CDK19: variants seen among roughly 807,000 people sequenced by gnomAD.
CDK19 encodes the protein cyclin dependent kinase 19, also known as cyclin-dependent kinase 19.
Under a neutral mutation model 68.3 loss-of-function variants are expected in CDK19, and 20 were observed. The observed-to-expected ratio is 0.29, with a 90% CI of 0.21 to 0.43. The LOEUF (loss-of-function observed/expected upper bound fraction) is 0.43. CDK19 is among the 20% of genes least tolerant of loss of function. The pLI is 1.00. For synonymous variants in CDK19, 221 were observed against 222.8 expected (o/e 0.99, Z 0.07); for missense variants, 339 against 623.5 (o/e 0.54, Z 4.86).
chr6:110,648,681 C>T (rs1780774351), intron 4 of CDK19, among the ~76,000 whole-genome samples: 1 of 151,754 alleles, frequency 6.6e-6, no homozygotes, highest in Non-Finnish European at 1.5e-5. Flanking sequence ...GCTGGGATTA[C>T]AGGCATGTGC....
intron 1 of CDK19, among the ~76,000 whole-genome samples, chr6:110,747,021 A>C (rs142888112): frequency 2.0e-4 from 31 of 152,336 alleles, no homozygotes; most frequent in Non-Finnish European, 3.8e-4. Context: ...GCTGAATGTC[A>C]TAACTATAGT....
At position 110,613,348 on chromosome 6, in the gene CDK19, G is replaced by GT. The variant is rs1778124236; in HGVS notation, c.*1186dup. The GT allele has an allele frequency of 6.6e-6, 1 of 152,616 alleles. No homozygotes were observed. The highest frequency in any genetic ancestry group is 2.1e-4 in the South Asian group (1 of 4,828). The allele number at this position is 152,616 out of a possible 1,614,324, so 9.5% of individuals were successfully genotyped here. A position where few individuals can be genotyped will look rare whatever the true frequency, so the allele number is the denominator to read the frequency against. ...AGATTCTTGATAGAATTAAGTTTCAGTAACAACAGCAAAATTATGCATACA... is the reference window on the plus strand; with the variant it reads ...AGATTCTTGATAGAATTAAGTTTCAGTTAACAACAGCAAAATTATGCATACA... On this transcript the variant is annotated 3_prime_UTR_variant, in exon 13 of 13. Coordinates refer to ENST00000368911, the MANE Select transcript of CDK19 (RefSeq NM_015076.5).
intron 2 of CDK19, among the ~76,000 whole-genome samples, chr6:110,686,882 T>A (rs557559641): frequency 1.1e-3 from 166 of 152,308 alleles, no homozygotes; most frequent in Middle Eastern, 3.4e-3. Flanking sequence ...CTAACCCATA[T>A]CTTTATAACT....
chr6:110,628,725 T>C (rs1779252453), intron 6 of CDK19, among the ~76,000 whole-genome samples: 1 of 152,208 alleles, frequency 6.6e-6, no homozygotes, highest in Non-Finnish European at 1.5e-5. Context: ...TGCTCTCTCC[T>C]AAAACAAATT....
intron 2 of CDK19, among the ~76,000 whole-genome samples, chr6:110,700,104 A>G (rs1434271534): frequency 1.3e-5 from 2 of 152,212 alleles, no homozygotes; most frequent in Non-Finnish European, 2.9e-5. Flanking sequence ...TATGAACTGC[A>G]TGTGCAAGGG....
chr6:110,809,815 G>A (rs2115153292), intron 1 of CDK19, among the ~76,000 whole-genome samples: 3 of 152,352 alleles, frequency 2.0e-5, no homozygotes, highest in Admixed American at 2.0e-4. Context: ...GCACTGGACA[G>A]AATGATGATC....
chr6:110,786,489 T>C (rs1367821394), intron 1 of CDK19, among the ~76,000 whole-genome samples: 1 of 152,202 alleles, frequency 6.6e-6, no homozygotes, highest in Non-Finnish European at 1.5e-5. Flanking sequence ...TGATGGCTTC[T>C]GTGGCTGTAA....
chr6:110,690,069 C>G (rs1772846859), intron 2 of CDK19, among the ~76,000 whole-genome samples: 1 of 150,896 alleles, frequency 6.6e-6, no homozygotes, highest in African/African-American at 2.4e-5. Context: ...GTCAGGTGGC[C>G]CTGGTGCTCA....
At chr6:110,701,560 A>T (rs1323646092) in intron 2 of CDK19, among the ~76,000 whole-genome samples, 1 of 151,988 alleles carries the variant, frequency 6.6e-6, no homozygotes, top group Non-Finnish European at 1.5e-5. Context: ...TCAAAAAAAA[A>T]AAAAGAAAAA....
chr6:110,711,036 A>G (rs1471936847), intron 2 of CDK19, among the ~76,000 whole-genome samples: 2 of 152,230 alleles, frequency 1.3e-5, no homozygotes, highest in Admixed American at 6.5e-5. Context: ...TAAAAACTAT[A>G]AAGTTCTCAA....
At chr6:110,707,366 A>G (rs1244880007) in intron 2 of CDK19, among the ~76,000 whole-genome samples, 1 of 151,984 alleles carries the variant, frequency 6.6e-6, no homozygotes, top group Non-Finnish European at 1.5e-5. Context: ...AAAAAAACTG[A>G]GAAGGCTGAA....
At chr6:110,697,304 A>T (rs1221577657) in intron 2 of CDK19, among the ~76,000 whole-genome samples, 4 of 152,026 alleles carry the variant, frequency 2.6e-5, no homozygotes, top group South Asian at 2.1e-4. Context: ...TACAAGATCA[A>T]TGTACACAAA....
At chr6:110,675,494 G>A (rs575437035) in intron 2 of CDK19, among the ~76,000 whole-genome samples, 48 of 152,080 alleles carry the variant, frequency 3.2e-4, no homozygotes, top group Non-Finnish European at 5.9e-4. Flanking sequence ...GGGTGTGGTG[G>A]CGCATGCCTG....
At chr6:110,701,152 C>T (rs919656400) in intron 2 of CDK19, among the ~76,000 whole-genome samples, 3 of 151,852 alleles carry the variant, frequency 2.0e-5, no homozygotes, top group Non-Finnish European at 4.4e-5. Context: ...TGCAGTGAGC[C>T]GAGATCGTGC....
Position 110,653,908 on chromosome 6 carries a change from C to T in CDK19, c.456+13526G>A, listed in dbSNP as rs1781135970. On this transcript the variant is annotated intron_variant, in intron 4 of 12. Transcript: ENST00000368911. ...ATGAGTAGCACAGCCTAAAGATACACAATCTTCCTACTACATTTGCTTTCT... is the reference window on the plus strand; with the variant it reads ...ATGAGTAGCACAGCCTAAAGATACATAATCTTCCTACTACATTTGCTTTCT... Among the ~76,000 whole-genome samples the T allele has an allele frequency of 3.9e-5, 6 of 152,220 alleles. 1 individual carries two copies. In the South Asian group the frequency reaches 1.2e-3, roughly 32 times the overall value.
At chr6:110,654,043 G>A (rs1045954944) in intron 4 of CDK19, among the ~76,000 whole-genome samples, 1 of 152,076 alleles carries the variant, frequency 6.6e-6, no homozygotes, top group African/African-American at 2.4e-5. Flanking sequence ...CTGAATAATA[G>A]GAACAGAGAC....
intron 2 of CDK19, among the ~76,000 whole-genome samples, chr6:110,699,006 T>C (rs1773746762): frequency 2.0e-5 from 3 of 149,842 alleles, no homozygotes; most frequent in Admixed American, 2.0e-4. Flanking sequence ...GTGAGCCATG[T>C]TCATGCCACT....
chr6:110,710,208 AAC>A (rs1768564158), intron 2 of CDK19, among the ~76,000 whole-genome samples: 1 of 152,200 alleles, frequency 6.6e-6, no homozygotes, highest in Non-Finnish European at 1.5e-5. Flanking sequence ...AACTCAACCA[AAC>A]ACAGTTTTGT....
At chr6:110,771,356 G>C (rs1410595245) in intron 1 of CDK19, among the ~76,000 whole-genome samples, 1 of 152,178 alleles carries the variant, frequency 6.6e-6, no homozygotes, top group Non-Finnish European at 1.5e-5. Flanking sequence ...CATGGAACCT[G>C]CCAAGGCTTG....
Sources: allele counts gnomAD v4.1 joint callset (sites outside exome capture counted in the v4.1 genomes callset), GRCh38; gene constraint gnomAD v4.1.1; transcripts MANE v1.5; gene names NCBI Gene and HGNC (gene_info 2026-07-23, HGNC 2026-07-21).